Variants in GLIS3 observed in about 807,000 individuals in gnomAD.
The protein encoded by GLIS3 is GLIS family zinc finger 3, also known as zinc finger protein GLIS3.
Under a neutral mutation model 78.6 loss-of-function variants are expected in GLIS3, and 53 were observed. The ratio of observed to expected loss-of-function variants is 0.67; its 90% CI spans 0.54 to 0.85. The LOEUF (loss-of-function observed/expected upper bound fraction) is 0.85, where lower values mean the gene tolerates loss of function less well. Ranked by LOEUF, GLIS3 falls within the 40% of genes least tolerant of loss-of-function variation. GLIS3 has a pLI of 0.00. For synonymous variants in GLIS3, 684 were observed against 509.9 expected (o/e 1.34, Z -4.60); for missense variants, 1,703 against 1,231.1 (o/e 1.38, Z -5.74).
At chr9:3,846,383 T>C (rs1294809278) in intron 9 of GLIS3, among the ~76,000 whole-genome samples, 3 of 152,212 alleles carry the variant, frequency 2.0e-5, no homozygotes, top group Non-Finnish European at 2.9e-5. Flanking sequence ...TTCCATTGTC[T>C]CACCTGGGAG....
rs773751738 is a variant in GLIS3, at chr9:4,257,118, T to C, written c.388+28920A>G. Among the ~76,000 whole-genome samples the C allele has an allele frequency of 6.6e-5, 10 of 152,348 alleles. No individual in the cohort carries two copies. In the South Asian group the frequency reaches 1.2e-3, roughly 19 times the overall value. On this transcript the variant is annotated intron_variant, in intron 2 of 10. Transcript: ENST00000381971. ...ATGTATGTATACCACAACTTCTTTA[T>C]CCATTTGTCTGTTGATGTGTACATA...
At chr9:4,420,738 G>A in the GLIS3 span, among the ~76,000 whole-genome samples, 2 of 151,960 alleles carry the variant, frequency 1.3e-5, no homozygotes, top group Non-Finnish European at 2.9e-5. Flanking sequence ...CCTGAGACTG[G>A]GTAAATTACA....
intron 4 of GLIS3, among the ~76,000 whole-genome samples, chr9:4,107,723 G>A (rs955259886): frequency 6.7e-6 from 1 of 149,044 alleles, no homozygotes; most frequent in Non-Finnish European, 1.5e-5. Flanking sequence ...AAATTAATTT[G>A]TTTTCAGATC....
the GLIS3 span, among the ~76,000 whole-genome samples, chr9:4,474,190 A>G: frequency 6.6e-6 from 1 of 152,270 alleles, no homozygotes; most frequent in Non-Finnish European, 1.5e-5. Flanking sequence ...TACCAAAGCT[A>G]CATATAAAGC....
chr9:4,217,448 C>T (rs1820956435), intron 2 of GLIS3, among the ~76,000 whole-genome samples: 1 of 152,188 alleles, frequency 6.6e-6, no homozygotes, highest in Admixed American at 6.5e-5. Flanking sequence ...ACATCATGGG[C>T]AGACATTTCT....
At chr9:4,396,341 G>A in the GLIS3 span, among the ~76,000 whole-genome samples, 5 of 151,972 alleles carry the variant, frequency 3.3e-5, no homozygotes, top group African/African-American at 7.3e-5. Flanking sequence ...AGTTGGCCAG[G>A]CTGATCTCGA....
chr9:4,415,954 T>C, the GLIS3 span, among the ~76,000 whole-genome samples: 4 of 151,622 alleles, frequency 2.6e-5, no homozygotes, highest in African/African-American at 9.7e-5. Context: ...ATTCTTTGAA[T>C]ATATACTGCC....
chr9:4,468,456 C>A, the GLIS3 span, among the ~76,000 whole-genome samples: 1 of 152,172 alleles, frequency 6.6e-6, no homozygotes, highest in Non-Finnish European at 1.5e-5. Context: ...ACTCTACAAG[C>A]CAGAAGAGAG....
the GLIS3 span, among the ~76,000 whole-genome samples, chr9:4,392,093 T>C: frequency 2.0e-5 from 3 of 152,148 alleles, no homozygotes; most frequent in Non-Finnish European, 2.9e-5. Flanking sequence ...TCATGTCCTT[T>C]GCAGGGACAT....
intron 4 of GLIS3, among the ~76,000 whole-genome samples, chr9:4,087,979 A>G (rs536660586): frequency 5.8e-4 from 88 of 152,288 alleles, no homozygotes; most frequent in African/African-American, 1.7e-3. Flanking sequence ...AGACTTCCCT[A>G]GACAGACTCC....
the GLIS3 span, among the ~76,000 whole-genome samples, chr9:4,479,068 T>C: frequency 1.3e-5 from 2 of 152,212 alleles, no homozygotes; most frequent in Admixed American, 6.5e-5. Context: ...TAAATATATA[T>C]ATTTTTCAAT....
intron 2 of GLIS3, among the ~76,000 whole-genome samples, chr9:4,320,274 G>C (rs1306118077): frequency 6.6e-6 from 1 of 152,038 alleles, no homozygotes; most frequent in African/African-American, 2.4e-5. Flanking sequence ...GCCCCTAAAA[G>C]AATTTGAGTT....
chr9:3,890,447 C>T (rs1822353537), intron 7 of GLIS3, among the ~76,000 whole-genome samples: 1 of 152,136 alleles, frequency 6.6e-6, no homozygotes, highest in Admixed American at 6.6e-5. Context: ...GTTCTATTCA[C>T]TGCCACAGAC....
chr9:4,381,861 G>T, the GLIS3 span, among the ~76,000 whole-genome samples: 1 of 152,160 alleles, frequency 6.6e-6, no homozygotes, highest in Admixed American at 6.5e-5. Context: ...GTTGGTTCTG[G>T]AAGTAGCTGT....
chr9:4,049,992 T>G (rs1368431209), intron 4 of GLIS3, among the ~76,000 whole-genome samples: 1 of 152,154 alleles, frequency 6.6e-6, no homozygotes, highest in Non-Finnish European at 1.5e-5. Context: ...ACTTTTACAC[T>G]GTTGGTGGGA....
At chr9:4,378,167 A>G in the GLIS3 span, among the ~76,000 whole-genome samples, 1 of 152,182 alleles carries the variant, frequency 6.6e-6, no homozygotes, top group Non-Finnish European at 1.5e-5. Flanking sequence ...CTCAATTATG[A>G]AAGTAATTTT....
chr9:4,275,133 T>G (rs958628726), intron 2 of GLIS3, among the ~76,000 whole-genome samples: 1 of 152,138 alleles, frequency 6.6e-6, no homozygotes, highest in Non-Finnish European at 1.5e-5. Context: ...GATAGAGGCA[T>G]GGAAAGGTGC....
At chr9:4,138,642 A>G (rs902836761) in intron 2 of GLIS3, among the ~76,000 whole-genome samples, 1 of 152,192 alleles carries the variant, frequency 6.6e-6, no homozygotes, top group Non-Finnish European at 1.5e-5. Flanking sequence ...CTAGGGCCAG[A>G]ATAGCTTCCC....
chr9:3,981,077 G>C (rs991462300), intron 4 of GLIS3, among the ~76,000 whole-genome samples: 5 of 152,168 alleles, frequency 3.3e-5, no homozygotes, highest in African/African-American at 1.2e-4. Context: ...AGAGGAGGGG[G>C]TCAGCAGATT....
Sources: allele counts gnomAD v4.1 joint callset (sites outside exome capture counted in the v4.1 genomes callset), GRCh38; gene constraint gnomAD v4.1.1; transcripts MANE v1.5; gene names NCBI Gene and HGNC (gene_info 2026-07-23, HGNC 2026-07-21).